The following SIM1 variants were observed in gnomAD, a reference collection of about 807,000 sequenced individuals.
SIM1 encodes the protein single-minded homolog 1.
SIM1 carries 18 observed loss-of-function variants against 78.2 expected under a neutral mutation model. The ratio of observed to expected loss-of-function variants is 0.23; its 90% CI spans 0.16 to 0.34. The LOEUF (loss-of-function observed/expected upper bound fraction) is 0.34. Ranked by LOEUF, SIM1 falls within the 10% of genes least tolerant of loss-of-function variation. The pLI, the probability that SIM1 is intolerant of heterozygous loss-of-function variation, is 1.00. For synonymous variants in SIM1, 417 were observed against 385.2 expected (o/e 1.08, Z -0.97); for missense variants, 939 against 975.1 (o/e 0.96, Z 0.49).
At chr6:100,450,221 TC>T in intron 4 of SIM1, 45 bp downstream of exon 4, 1 of 1,530,990 alleles carries the variant, frequency 6.5e-7, no homozygotes. Context: ...TGCTTCCAGC[TC>T]TGGCTGTAAA....
intron 2 of SIM1, among the ~76,000 whole-genome samples, chr6:100,455,708 C>G (rs1772632138): frequency 6.6e-6 from 1 of 152,186 alleles, no homozygotes; most frequent in Non-Finnish European, 1.5e-5. Context: ...CCGGGGCACT[C>G]GAGCGAGCCT....
chr6:100,419,446 G>C (rs1195065088), intron 10 of SIM1, among the ~76,000 whole-genome samples: 2 of 152,080 alleles, frequency 1.3e-5, no homozygotes, highest in African/African-American at 4.8e-5. Flanking sequence ...AGTGACCACT[G>C]GTTCAGTGAA....
intron 2 of SIM1, among the ~76,000 whole-genome samples, chr6:100,460,236 G>T (rs757805045): frequency 1.3e-5 from 2 of 151,758 alleles, no homozygotes; most frequent in Non-Finnish European, 2.9e-5. Flanking sequence ...GAAGCTACTA[G>T]ACTTGGGAGA....
At position 100,447,345 on chromosome 6, in the gene SIM1, C is replaced by T; in HGVS notation, c.921G>A (p.Val307=). The T allele has an allele frequency of 6.2e-7, 1 of 1,614,236 alleles. No homozygotes were observed. The highest frequency in any genetic ancestry group is 1.1e-5 in the South Asian group (1 of 91,088). ...FLAKHGGWVW[V]QSYATIVHNS... ...TGTGCACGATGGTCGCGTAGCTCTG[C>T]ACCCATACCCAGCCGCCGTGTTTCG... Residue 307 remains valine, a synonymous_variant, in exon 9 of 12, where the codon GTG becomes GTA. Coordinates refer to ENST00000369208, the MANE Select transcript of SIM1 (RefSeq NM_005068.3).
intron 10 of SIM1, among the ~76,000 whole-genome samples, chr6:100,400,139 G>A (rs958984001): frequency 2.6e-5 from 4 of 151,704 alleles, no homozygotes; most frequent in African/African-American, 9.7e-5. Context: ...GAGATACAAA[G>A]GAGATATAGA....
Position 100,390,010 on chromosome 6 carries a change from TG to T in SIM1, c.*350del, listed in dbSNP as rs1471943809. On this transcript the variant is annotated 3_prime_UTR_variant, in exon 12 of 12. Transcript: ENST00000369208. ...CGCAGTTTGTAAGTAATAGTTTGTG[TG>T]TTTGAGGATCACTGGATAGTCACAA... 2.6e-6 allele frequency: 1 copy of T among 389,206 alleles called. No individual in the cohort carries two copies. Among genetic ancestry groups the T allele is most frequent in the East Asian group, 3.8e-5 (1 of 26,650 alleles). 24.1% of individuals were successfully genotyped at this position (389,206 alleles called of 1,614,324 possible).
Position 100,448,660 on chromosome 6 carries a change from A to G in SIM1, c.562T>C (p.Tyr188His). 1.9e-6 allele frequency: 3 copies of G among 1,611,976 alleles called. No individual in the cohort carries two copies. The highest frequency in any genetic ancestry group is 2.5e-6 in the Non-Finnish European group (3 of 1,179,976). ...AGGCTGTACTGGCGGATCTTCAAGT[A>G]GCCGCTGCAGTGGATGACCTGAGGC... ...GGYKVIHCSG[Y>H]LKIRQYSLDM... The change falls in exon 7 of 12, where the codon TAC becomes CAC. Residue 188 changes from tyrosine (Y) to histidine (H), a missense_variant. This residue lies in a region of SIM1 where 187 missense variants were observed against 191.6 expected (regional missense o/e 0.98). Coordinates refer to ENST00000369208, the MANE Select transcript of SIM1 (RefSeq NM_005068.3).
chr6:100,402,401 G>A (rs974948125), intron 10 of SIM1, among the ~76,000 whole-genome samples: 11 of 152,012 alleles, frequency 7.2e-5, no homozygotes, highest in Non-Finnish European at 1.5e-4. Context: ...AAGCTGGAAG[G>A]TAGTTTGGTA....
At chr6:100,443,053 T>A (rs1035665996) in intron 9 of SIM1, among the ~76,000 whole-genome samples, 1 of 152,056 alleles carries the variant, frequency 6.6e-6, no homozygotes, top group Non-Finnish European at 1.5e-5. Context: ...GTAATTACAA[T>A]ATAGAGCCCC....
chr6:100,458,006 TTCTCTCTCTC>T (rs71028024), intron 2 of SIM1, among the ~76,000 whole-genome samples: 1,052 of 89,340 alleles, frequency 0.012, 4 homozygotes, highest in South Asian at 0.017. Flanking sequence ...GTCTCTCTCT[TTCTCTCTCTC>T]TCTCTCTCTC....
intron 10 of SIM1, among the ~76,000 whole-genome samples, chr6:100,413,755 C>T (rs2114494913): frequency 6.6e-6 from 1 of 152,266 alleles, no homozygotes; most frequent in South Asian, 2.1e-4. Flanking sequence ...CTTTATCTAC[C>T]ATAAATATCT....
chr6:100,420,384 C>T (rs1771542575), intron 10 of SIM1, among the ~76,000 whole-genome samples: 1 of 152,032 alleles, frequency 6.6e-6, no homozygotes, highest in Non-Finnish European at 1.5e-5. Context: ...GATCCTTTGC[C>T]TCCCCCTCTT....
chr6:100,422,260 G>A (rs926123176), intron 9 of SIM1, among the ~76,000 whole-genome samples: 1 of 152,092 alleles, frequency 6.6e-6, no homozygotes, highest in Non-Finnish European at 1.5e-5. Flanking sequence ...CTGGAGTGCA[G>A]TGGCATGATC....
chr6:100,407,426 A>G (rs958676019), intron 10 of SIM1, among the ~76,000 whole-genome samples: 1 of 152,188 alleles, frequency 6.6e-6, no homozygotes, highest in Non-Finnish European at 1.5e-5. Context: ...ATGAGAGTGC[A>G]GACATCTCAA....
Position 100,449,596 on chromosome 6 carries a change from A to G in SIM1, c.452T>C (p.Val151Ala). Residue 151 changes from valine to alanine, a missense_variant, in exon 5 of 12, where the codon GTG becomes GCG. This residue lies in a region of SIM1 where 187 missense variants were observed against 191.6 expected (regional missense o/e 0.98). Transcript: ENST00000369208. Reference sequence around the variant, plus strand: ...CAGGCATGTGTCTACCTTACCCTGCACGAAGTGAGAGTGGTAGGGTTGATG... The same window carrying G: ...CAGGCATGTGTCTACCTTACCCTGCGCGAAGTGAGAGTGGTAGGGTTGATG... The part of the protein sequence containing the change: ...TAHQPYHSHF[V>A]QEYEIERSFF... The G allele has an allele frequency of 6.2e-7, 1 of 1,613,564 alleles. No homozygotes were observed. The highest frequency in any genetic ancestry group is 8.5e-7 in the Non-Finnish European group (1 of 1,179,494).
chr6:100,426,890 G>A lies in SIM1; in HGVS notation c.999-5932C>T, dbSNP rs540475471. 2.0e-5 allele frequency among the ~76,000 whole-genome samples: 3 copies of A among 152,262 alleles called. No individual in the cohort carries two copies. In the East Asian group the frequency reaches 5.8e-4, roughly 29 times the overall value. ...CTTAAAAGAGGTTGCCAGATTTCCC[G>A]ATTGAGCTATTTTTTTAAACAGCTG... On this transcript the variant is annotated intron_variant, in intron 9 of 11. Transcript: ENST00000369208.
At chr6:100,452,701 T>C (rs1772544976) in intron 3 of SIM1, among the ~76,000 whole-genome samples, 2 of 152,154 alleles carry the variant, frequency 1.3e-5, no homozygotes, top group African/African-American at 4.8e-5. Flanking sequence ...GTTGGGAATA[T>C]GAAAATATTG....
chr6:100,424,646 G>T (rs1771678318), intron 9 of SIM1, among the ~76,000 whole-genome samples: 1 of 151,370 alleles, frequency 6.6e-6, no homozygotes. Context: ...TCTCTGTGTT[G>T]CCCAGGTTGG....
intron 10 of SIM1, among the ~76,000 whole-genome samples, chr6:100,397,358 T>C (rs1226810910): frequency 6.6e-6 from 1 of 152,166 alleles, no homozygotes; most frequent in Non-Finnish European, 1.5e-5. Flanking sequence ...TCAGCATTAC[T>C]TGGAGGCGGA....
Sources: gnomAD v4.1 joint callset for allele counts (sites outside exome capture counted in the v4.1 genomes callset) on GRCh38, gnomAD v4.1.1 for gene constraint, gnomAD v4.1.1 regional missense constraint, MANE v1.5 for transcripts, NCBI Gene and HGNC (gene_info 2026-07-23, HGNC 2026-07-21) for gene names.